RBKS: variants seen among roughly 807,000 people sequenced by gnomAD.
RBKS encodes ribokinase.
RBKS carries 33 observed loss-of-function variants against 33.9 expected under a neutral mutation model. The ratio of observed to expected loss-of-function variants is 0.97; its 90% confidence interval spans 0.74 to 1.30. The LOEUF is 1.30. Among genes scored for constraint, RBKS ranks in the 50% most tolerant of loss-of-function variants. The pLI, the probability that RBKS is intolerant of heterozygous loss-of-function variation, is 0.00. For missense variants in RBKS, 361 were observed against 392.6 expected (o/e 0.92, Z 0.68); for synonymous variants, 125 against 143.0 (o/e 0.87, Z 0.90).
chr2:27,848,967 A>G (rs1663679834), intron 2 of RBKS, among the ~76,000 whole-genome samples: 1 of 152,194 alleles, frequency 6.6e-6, no homozygotes, highest in Non-Finnish European at 1.5e-5. Flanking sequence ...CAGGGAAGAC[A>G]AGTTTTCTTC....
At chr2:27,870,809 C>T in intron 1 of RBKS, 1 of 465,786 alleles carries the variant, frequency 2.1e-6, no homozygotes. Context: ...GACATGTAAT[C>T]ACGCAAAGAC....
chr2:27,842,310 A>G (rs1300208504), intron 5 of RBKS, among the ~76,000 whole-genome samples: 2 of 152,204 alleles, frequency 1.3e-5, no homozygotes, highest in East Asian at 3.8e-4. Flanking sequence ...GATAACTGGA[A>G]GCTGGGTGAT....
intron 1 of RBKS, among the ~76,000 whole-genome samples, chr2:27,872,231 T>A (rs2148226977): frequency 6.6e-6 from 1 of 152,186 alleles, no homozygotes; most frequent in South Asian, 2.1e-4. Flanking sequence ...AAAATAGTGT[T>A]CTAAAGAGCC....
In RBKS at chr2:27,840,388, A is replaced by G. The variant is rs1205947015; in HGVS notation, c.514+2679T>C. The stretch of plus-strand genomic sequence containing the variant: ...CGCACACACACACACACACACACAC[A>G]CACACACCCTCCTCATGGAATAGAA... On this transcript the variant is annotated intron_variant, in intron 5 of 7. Coordinates refer to ENST00000302188, the MANE Select transcript of RBKS (RefSeq NM_022128.3). 4.6e-5 allele frequency among the ~76,000 whole-genome samples: 7 copies of G among 151,130 alleles called. No homozygotes were observed. The East Asian group carries it at 1.2e-3, about 25-fold the overall frequency.
chr2:27,889,154 T>G (rs780595217), intron 1 of RBKS, among the ~76,000 whole-genome samples: 2 of 152,222 alleles, frequency 1.3e-5, no homozygotes, highest in Non-Finnish European at 2.9e-5. Context: ...CAGTGGAAAT[T>G]TGGTAACACA....
intron 1 of RBKS, among the ~76,000 whole-genome samples, chr2:27,861,089 T>C (rs1306397334): frequency 1.3e-5 from 2 of 152,160 alleles, no homozygotes; most frequent in East Asian, 3.9e-4. Context: ...TGCCTCAGCC[T>C]CCCAAGTAGC....
chr2:27,888,163 T>C (rs1573085803), intron 1 of RBKS, among the ~76,000 whole-genome samples: 1 of 152,052 alleles, frequency 6.6e-6, no homozygotes, highest in Non-Finnish European at 1.5e-5. Flanking sequence ...GTTTTGCTCT[T>C]GTCACCCAAG....
intron 1 of RBKS, among the ~76,000 whole-genome samples, chr2:27,868,372 A>G (rs1664139297): frequency 1.3e-5 from 2 of 152,190 alleles, no homozygotes; most frequent in South Asian, 4.1e-4. Flanking sequence ...AAAAAGTGAG[A>G]GTTCAAAAGG....
At chr2:27,853,345 CTG>C (rs1333314608) in intron 2 of RBKS, among the ~76,000 whole-genome samples, 8 of 138,544 alleles carry the variant, frequency 5.8e-5, no homozygotes, top group Admixed American at 2.2e-4. Context: ...CCCAGGCAAC[CTG>C]TCTCTGAAAA....
At chr2:27,790,164 G>A (rs528588002) in intron 7 of RBKS, among the ~76,000 whole-genome samples, 1 of 151,792 alleles carries the variant, frequency 6.6e-6, no homozygotes, top group East Asian at 1.9e-4. Context: ...ATTTTGGATT[G>A]CAGATTTTGG....
At chr2:27,886,273 T>C (rs1050170220) in intron 1 of RBKS, among the ~76,000 whole-genome samples, 5 of 152,160 alleles carry the variant, frequency 3.3e-5, no homozygotes, top group Non-Finnish European at 7.4e-5. Context: ...CACACAGTAA[T>C]GTAATATATA....
chr2:27,858,413 T>C (rs957980095), intron 2 of RBKS, 26 bp downstream of exon 2: 50 of 1,575,686 alleles, frequency 3.2e-5, no homozygotes, highest in Non-Finnish European at 4.2e-5. Context: ...ACCTCTAGAG[T>C]CCTCTCCACT....
At chr2:27,814,929 TCA>T (rs1432417858) in intron 7 of RBKS, among the ~76,000 whole-genome samples, 1 of 152,220 alleles carries the variant, frequency 6.6e-6, no homozygotes, top group Middle Eastern at 3.4e-3. Flanking sequence ...TACATTCTGT[TCA>T]CACACACACG....
intron 7 of RBKS, among the ~76,000 whole-genome samples, chr2:27,796,252 A>T (rs1050254455): frequency 6.6e-6 from 1 of 152,164 alleles, no homozygotes; most frequent in African/African-American, 2.4e-5. Flanking sequence ...AAAGTGCTTT[A>T]AAAGTAGGAG....
intron 5 of RBKS, among the ~76,000 whole-genome samples, chr2:27,838,980 C>A (rs1047049119): frequency 2.0e-5 from 3 of 152,124 alleles, no homozygotes; most frequent in African/African-American, 7.2e-5. Flanking sequence ...ATGGTGTTGT[C>A]ACGGAGGGCA....
intron 3 of RBKS, among the ~76,000 whole-genome samples, chr2:27,847,819 G>C (rs1187838816): frequency 6.6e-6 from 1 of 152,204 alleles, no homozygotes; most frequent in Non-Finnish European, 1.5e-5. Context: ...TGAGATGAAG[G>C]TTTGTAACCT....
intron 7 of RBKS, among the ~76,000 whole-genome samples, chr2:27,812,676 G>A (rs1259828761): frequency 6.6e-6 from 1 of 152,106 alleles, no homozygotes; most frequent in Non-Finnish European, 1.5e-5. Context: ...TTGGACACAG[G>A]AAGGGGAACA....
At chr2:27,783,211 G>C (rs979735398) in intron 7 of RBKS, among the ~76,000 whole-genome samples, 1 of 152,048 alleles carries the variant, frequency 6.6e-6, no homozygotes, top group African/African-American at 2.4e-5. Context: ...GGGAGGATGA[G>C]GTGGGCAGAT....
At position 27,830,851 on chromosome 2, in the gene RBKS, G is replaced by A. The variant is rs551370228; in HGVS notation, c.606+1835C>T. On this transcript the variant is annotated intron_variant, in intron 6 of 7. Coordinates refer to ENST00000302188, the MANE Select transcript of RBKS (RefSeq NM_022128.3). ...AATAGAATGAGTCAGAAGTGATGCCGTGTTACTTCCGAAGCTAACTCATAA... is the reference window on the plus strand; with the variant it reads ...AATAGAATGAGTCAGAAGTGATGCCATGTTACTTCCGAAGCTAACTCATAA... 3.0e-4 allele frequency among the ~76,000 whole-genome samples: 45 copies of A among 152,280 alleles called. 1 individual carries two copies. The highest frequency in any genetic ancestry group is 1.9e-4 in the East Asian group (1 of 5,182).
Sources: allele counts gnomAD v4.1 joint callset (sites outside exome capture counted in the v4.1 genomes callset), GRCh38; gene constraint gnomAD v4.1.1; transcripts MANE v1.5; gene names NCBI Gene and HGNC (gene_info 2026-07-23, HGNC 2026-07-21).